Variants in AKAP13 observed in about 807,000 individuals in gnomAD.
The protein encoded by AKAP13 is A-kinase anchor protein 13.
In AKAP13, 80 loss-of-function variants were observed where a neutral mutation model predicts 264.5. The ratio of observed to expected loss-of-function variants is 0.30; its 90% CI spans 0.25 to 0.36. The LOEUF (loss-of-function observed/expected upper bound fraction) is 0.36. Ranked by LOEUF, AKAP13 falls within the 10% of genes least tolerant of loss-of-function variation. AKAP13 has a pLI of 1.00. For synonymous variants in AKAP13, 1,380 were observed against 1,250.2 expected, an observed-to-expected ratio of 1.10 and a Z score of -2.19; for missense variants, 3,712 against 3,435.2, an observed-to-expected ratio of 1.08 and a Z score of -2.01.
intron 17 of AKAP13, among the ~76,000 whole-genome samples, chr15:85,694,868 C>T (rs1043121571): frequency 2.6e-5 from 4 of 152,178 alleles, no homozygotes; most frequent in African/African-American, 7.2e-5. Context: ...ACTCTCAGAC[C>T]ATGATGTCCT....
intron 8 of AKAP13, among the ~76,000 whole-genome samples, chr15:85,613,326 G>A (rs1393668059): frequency 1.3e-5 from 2 of 152,118 alleles, no homozygotes; most frequent in Non-Finnish European, 2.9e-5. Context: ...ATAGAAGATG[G>A]AGGTATGGGA....
chr15:85,434,275 C>T (rs1370419229), intron 1 of AKAP13, among the ~76,000 whole-genome samples: 1 of 152,196 alleles, frequency 6.6e-6, no homozygotes, highest in Non-Finnish European at 1.5e-5. Flanking sequence ...GCTTAAAAAA[C>T]GGCGAACCAC....
intron 17 of AKAP13, among the ~76,000 whole-genome samples, chr15:85,704,596 C>T (rs2086123284): frequency 6.6e-6 from 1 of 152,020 alleles, no homozygotes. Context: ...CAGAGGAATC[C>T]GATTAGGGAT....
chr15:85,664,820 G>A, intron 13 of AKAP13, 65 bp downstream of exon 13: 1 of 1,478,062 alleles, frequency 6.8e-7, no homozygotes, highest in Non-Finnish European at 9.2e-7. Flanking sequence ...TAGAAGGCAA[G>A]GCTTCTGGTA....
intron 26 of AKAP13, chr15:85,726,032 T>G (rs2087598250): frequency 6.2e-6 from 1 of 160,894 alleles, no homozygotes; most frequent in South Asian, 2.0e-4. Context: ...ATCTGAGTAT[T>G]TTTTGGAGTA....
At chr15:85,707,191 C>T (rs1299031493) in intron 17 of AKAP13, among the ~76,000 whole-genome samples, 1 of 152,168 alleles carries the variant, frequency 6.6e-6, no homozygotes, top group African/African-American at 2.4e-5. Context: ...CCTCTGGCTT[C>T]CTGGAACAGT....
chr15:85,614,772 CTTAAA>C (rs2080862819), intron 8 of AKAP13, among the ~76,000 whole-genome samples: 1 of 152,140 alleles, frequency 6.6e-6, no homozygotes, highest in Non-Finnish European at 1.5e-5. Flanking sequence ...ATATAACTGA[CTTAAA>C]TTCTAAGTGC....
chr15:85,528,219 T>G (rs113595815), intron 3 of AKAP13, among the ~76,000 whole-genome samples: 5,183 of 152,322 alleles, frequency 0.034, 143 homozygotes, highest in Non-Finnish European at 0.055. Context: ...ACACACCTCC[T>G]GACCTGCCAG....
intron 8 of AKAP13, among the ~76,000 whole-genome samples, chr15:85,638,986 T>C (rs2082187582): frequency 6.6e-6 from 1 of 152,220 alleles, no homozygotes; most frequent in Non-Finnish European, 1.5e-5. Context: ...CTTGAACTCC[T>C]GGCCTCAAGC....
At chr15:85,598,797 A>G (rs1425297143) in intron 8 of AKAP13, among the ~76,000 whole-genome samples, 1 of 152,250 alleles carries the variant, frequency 6.6e-6, no homozygotes, top group Admixed American at 6.5e-5. Context: ...TGTCCCTTCT[A>G]CTGTTCCCTT....
chr15:85,545,852 C>T (rs575051364), intron 5 of AKAP13, among the ~76,000 whole-genome samples: 58 of 152,200 alleles, frequency 3.8e-4, no homozygotes, highest in African/African-American at 1.3e-3. Flanking sequence ...ATATACATAA[C>T]GTAAAAATGG....
At chr15:85,627,134 C>G (rs1034686912) in intron 8 of AKAP13, among the ~76,000 whole-genome samples, 1 of 152,100 alleles carries the variant, frequency 6.6e-6, no homozygotes, top group African/African-American at 2.4e-5. Flanking sequence ...CAAGCTCTGC[C>G]TTTGCTCTCC....
chr15:85,398,168 T>C (rs1263272025), intron 1 of AKAP13, among the ~76,000 whole-genome samples: 1 of 152,078 alleles, frequency 6.6e-6, no homozygotes, highest in African/African-American at 2.4e-5. Flanking sequence ...GACATCATTG[T>C]GAGCTATTAT....
chr15:85,659,673 C>T (rs762858873), intron 12 of AKAP13, among the ~76,000 whole-genome samples: 1 of 152,168 alleles, frequency 6.6e-6, no homozygotes, highest in African/African-American at 2.4e-5. Context: ...AAAACATGCA[C>T]TTGATGACAA....
chr15:85,703,907 A>T (rs2086081294), intron 17 of AKAP13, among the ~76,000 whole-genome samples: 1 of 151,334 alleles, frequency 6.6e-6, no homozygotes, highest in Non-Finnish European at 1.5e-5. Context: ...TTTTTGAGAG[A>T]CAGGGTCTCT....
At chr15:85,567,941 GGTGTGTGT>G (rs57049395) in intron 5 of AKAP13, among the ~76,000 whole-genome samples, 20,361 of 141,874 alleles carry the variant, frequency 0.14, 1,856 homozygotes, top group Middle Eastern at 0.28. Flanking sequence ...AGCCCAAAGA[GGTGTGTGT>G]GTGTGTGTGT....
intron 8 of AKAP13, among the ~76,000 whole-genome samples, chr15:85,616,277 G>A (rs2080933292): frequency 6.6e-6 from 1 of 152,220 alleles, no homozygotes; most frequent in Non-Finnish European, 1.5e-5. Flanking sequence ...AGCAGCCACA[G>A]TGTTGACCCA....
rs1048602 is a variant in AKAP13 at position 85,743,475 on chromosome 15, C to T, written c.8059-17C>T. ...TGACAGCCTCCAAGTGAAAACCCTT[C>T]TCTTGAATATGTACAGGTTTCCCAT... On this transcript the variant is annotated splice_polypyrimidine_tract_variant and intron_variant, in intron 35 of 36. Coordinates refer to ENST00000394518, the MANE Select transcript of AKAP13 (RefSeq NM_007200.5). 4.4e-6 allele frequency: 7 copies of T among 1,604,720 alleles called. No homozygotes were observed. The African/African-American group carries it at 8.1e-5, about 18-fold the overall frequency.
chr15:85,582,938 T>C (rs1240050689), intron 7 of AKAP13: 1 of 985,304 alleles, frequency 1.0e-6, no homozygotes, highest in East Asian at 1.1e-4. Context: ...CATCTGTGGG[T>C]AACCATGTTC....
Sources: allele counts gnomAD v4.1 joint callset (sites outside exome capture counted in the v4.1 genomes callset), GRCh38; gene constraint gnomAD v4.1.1; transcripts MANE v1.5; gene names NCBI Gene and HGNC (gene_info 2026-07-23, HGNC 2026-07-21).